Variants in PARVA observed in about 807,000 individuals in gnomAD.
PARVA encodes alpha-parvin.
PARVA carries 25 observed loss-of-function variants against 52.6 expected under a neutral mutation model. The observed-to-expected ratio is 0.48, with a 90% CI of 0.35 to 0.66. The LOEUF (loss-of-function observed/expected upper bound fraction) is 0.66, where lower values mean the gene tolerates loss of function less well. Among genes scored for constraint, PARVA ranks in the 30% least tolerant of loss-of-function variants. The pLI, the probability that PARVA is intolerant of heterozygous loss-of-function variation, is 0.01. For missense variants in PARVA, 373 were observed against 450.9 expected (o/e 0.83, Z 1.56); for synonymous variants, 185 against 179.1 (o/e 1.03, Z -0.26).
In PARVA at chr11:12,489,294, G is replaced by C. The variant is rs182959664; in HGVS notation, c.401-7164G>C. Among the ~76,000 whole-genome samples the C allele has an allele frequency of 9.2e-5, 14 of 152,136 alleles. No individual in the cohort carries two copies. The East Asian group carries it at 1.2e-3, about 13-fold the overall frequency. On this transcript the variant is annotated intron_variant, in intron 4 of 12. Coordinates refer to ENST00000334956, the MANE Select transcript of PARVA (RefSeq NM_018222.5). Reference sequence around the variant, plus strand: ...AACAAGAAACTATTAAGACTGGAAGGTAGATATGAAAAACAACCAAATAGA... The same window carrying C: ...AACAAGAAACTATTAAGACTGGAAGCTAGATATGAAAAACAACCAAATAGA...
chr11:12,462,076 G>A (rs771671450), intron 1 of PARVA, among the ~76,000 whole-genome samples: 14 of 152,154 alleles, frequency 9.2e-5, no homozygotes, highest in African/African-American at 2.9e-4. Flanking sequence ...TGCAGATTTT[G>A]CATTTTCTTC....
chr11:12,445,694 T>C (rs1039867492), intron 1 of PARVA, among the ~76,000 whole-genome samples: 3 of 152,174 alleles, frequency 2.0e-5, no homozygotes, highest in African/African-American at 7.2e-5. Flanking sequence ...TAAAAAGCTC[T>C]ATTGCTTAGA....
At chr11:12,467,073 GATAT>G (rs1272529886) in intron 1 of PARVA, among the ~76,000 whole-genome samples, 4 of 152,192 alleles carry the variant, frequency 2.6e-5, no homozygotes, top group Non-Finnish European at 4.4e-5. Context: ...CATATCAGAA[GATAT>G]AGTGTGCCCA....
chr11:12,497,992 C>A (rs1263390949), intron 5 of PARVA, among the ~76,000 whole-genome samples: 1 of 152,108 alleles, frequency 6.6e-6, no homozygotes, highest in Non-Finnish European at 1.5e-5. Flanking sequence ...TCATGGCACC[C>A]AATTTGGGAA....
chr11:12,471,671 C>A (rs1003939232), intron 1 of PARVA, among the ~76,000 whole-genome samples: 3 of 152,202 alleles, frequency 2.0e-5, no homozygotes, highest in Admixed American at 6.5e-5. Flanking sequence ...TGTGATGGAA[C>A]CTTTCTACAT....
At chr11:12,415,843 T>G (rs1416769298) in intron 1 of PARVA, among the ~76,000 whole-genome samples, 1 of 152,148 alleles carries the variant, frequency 6.6e-6, no homozygotes, top group African/African-American at 2.4e-5. Flanking sequence ...CCAATTTTAT[T>G]TAAAGATGAA....
chr11:12,511,607 G>GCCTGTTCCTCCCA, intron 8 of PARVA, 74 bp downstream of exon 8: 1 of 1,497,262 alleles, frequency 6.7e-7, no homozygotes, highest in Non-Finnish European at 9.3e-7. Context: ...GCAGCTGGGA[G>GCCTGTTCCTCCCA]GAACAGGCTC....
chr11:12,421,096 T>G (rs1940142664), intron 1 of PARVA, among the ~76,000 whole-genome samples: 2 of 8,158 alleles, frequency 2.5e-4, no homozygotes, highest in South Asian at 0.17. Flanking sequence ...GGTGTCTTGG[T>G]GGTCGGAGCT....
chr11:12,386,207 G>A (rs1317339326), intron 1 of PARVA, among the ~76,000 whole-genome samples: 3 of 151,996 alleles, frequency 2.0e-5, no homozygotes, highest in Admixed American at 1.3e-4. Flanking sequence ...TGCCATCCAA[G>A]GCCTTCACAG....
intron 5 of PARVA, among the ~76,000 whole-genome samples, chr11:12,502,582 A>AT (rs1353130562): frequency 6.8e-6 from 1 of 146,718 alleles, no homozygotes; most frequent in East Asian, 2.0e-4. Flanking sequence ...ATAAGGTATA[A>AT]TAAAAAAAAA....
intron 6 of PARVA, among the ~76,000 whole-genome samples, chr11:12,506,180 GTTT>G (rs371397561): frequency 6.6e-6 from 1 of 151,168 alleles, no homozygotes; most frequent in Non-Finnish European, 1.5e-5. Flanking sequence ...AATATAGTCT[GTTT>G]TTTTTTAATC....
chr11:12,488,243 G>T (rs186183243), intron 4 of PARVA, among the ~76,000 whole-genome samples: 1 of 152,238 alleles, frequency 6.6e-6, no homozygotes, highest in East Asian at 1.9e-4. Flanking sequence ...TAATTAATAT[G>T]ATAAGAAAAT....
chr11:12,474,995 C>T (rs1398634448), intron 3 of PARVA, among the ~76,000 whole-genome samples: 1 of 151,948 alleles, frequency 6.6e-6, no homozygotes, highest in Non-Finnish European at 1.5e-5. Flanking sequence ...GTGATTCATT[C>T]CCCCATGCAA....
chr11:12,391,140 G>T (rs745802346), intron 1 of PARVA, among the ~76,000 whole-genome samples: 6 of 152,172 alleles, frequency 3.9e-5, no homozygotes, highest in Non-Finnish European at 7.3e-5. Context: ...CCTTCTGATT[G>T]TCACTGTGCT....
At chr11:12,460,290 C>G (rs1302746043) in intron 1 of PARVA, among the ~76,000 whole-genome samples, 5 of 152,098 alleles carry the variant, frequency 3.3e-5, no homozygotes, top group Non-Finnish European at 7.4e-5. Context: ...CAGGATCAAA[C>G]CTTGGCTCCA....
At chr11:12,396,679 C>T (rs549394765) in intron 1 of PARVA, among the ~76,000 whole-genome samples, 8 of 152,216 alleles carry the variant, frequency 5.3e-5, no homozygotes, top group Non-Finnish European at 7.3e-5. Context: ...TGTCTTTGCT[C>T]GCATGGAACT....
chr11:12,376,843 T>C (rs757366127), upstream of PARVA: 4 of 486,618 alleles, frequency 8.2e-6, no homozygotes, highest in Non-Finnish European at 1.1e-5. Flanking sequence ...GTCACTCTCT[T>C]GCTTTTATTT....
chr11:12,459,868 C>A (rs1206302345), intron 1 of PARVA, among the ~76,000 whole-genome samples: 1 of 152,062 alleles, frequency 6.6e-6, no homozygotes, highest in African/African-American at 2.4e-5. Context: ...GCATGTTTTT[C>A]TTTTATAGTC....
At chr11:12,466,568 T>C (rs1940857023) in intron 1 of PARVA, among the ~76,000 whole-genome samples, 1 of 151,926 alleles carries the variant, frequency 6.6e-6, no homozygotes, top group Admixed American at 6.6e-5. Context: ...CCACCCAGAG[T>C]GCTGAGATTA....
Sources: gnomAD v4.1 joint callset for allele counts (sites outside exome capture counted in the v4.1 genomes callset) on GRCh38, gnomAD v4.1.1 for gene constraint, MANE v1.5 for transcripts, NCBI Gene and HGNC (gene_info 2026-07-23, HGNC 2026-07-21) for gene names.